The following ZMAT4 variants were observed in gnomAD, a reference collection of about 807,000 sequenced individuals.
ZMAT4 encodes zinc finger matrin-type 4.
ZMAT4 carries 17 observed loss-of-function variants against 28.7 expected under a neutral mutation model. The ratio of observed to expected loss-of-function variants is 0.59; its 90% confidence interval spans 0.41 to 0.89. ZMAT4 has a LOEUF of 0.89. Ranked by LOEUF, ZMAT4 falls within the 40% of genes least tolerant of loss-of-function variation. The probability of loss-of-function intolerance (pLI) is 0.00; values close to 1 mark genes in which losing one functional copy is unlikely to be tolerated. For synonymous variants in ZMAT4, 117 were observed against 109.2 expected, an observed-to-expected ratio of 1.07 and a Z score of -0.44; for missense variants, 240 against 283.8, an observed-to-expected ratio of 0.85 and a Z score of 1.11.
intron 1 of ZMAT4, among the ~76,000 whole-genome samples, chr8:40,845,007 A>C (rs1333004227): frequency 1.3e-5 from 2 of 152,292 alleles, no homozygotes; most frequent in South Asian, 4.1e-4. Context: ...AACTGCACAT[A>C]CTCATGCACC....
At chr8:40,554,983 A>G (rs1368987816) in intron 6 of ZMAT4, among the ~76,000 whole-genome samples, 2 of 152,056 alleles carry the variant, frequency 1.3e-5, no homozygotes, top group African/African-American at 4.8e-5. Context: ...ACACCCACAC[A>G]TCCTTCCCAG....
At chr8:40,584,899 G>A (rs1192303618) in intron 5 of ZMAT4, among the ~76,000 whole-genome samples, 1 of 152,204 alleles carries the variant, frequency 6.6e-6, no homozygotes, top group Non-Finnish European at 1.5e-5. Flanking sequence ...CTCCCAAAGT[G>A]CTGGGATTAC....
At chr8:40,840,308 C>T (rs564255366) in intron 1 of ZMAT4, among the ~76,000 whole-genome samples, 40 of 152,292 alleles carry the variant, frequency 2.6e-4, no homozygotes, top group African/African-American at 8.7e-4. Flanking sequence ...CAACATGGAC[C>T]AACCCTGATG....
At chr8:40,703,544 G>C (rs189400049) in intron 3 of ZMAT4, among the ~76,000 whole-genome samples, 2 of 152,174 alleles carry the variant, frequency 1.3e-5, no homozygotes, top group African/African-American at 4.8e-5. Flanking sequence ...TAAATACAGA[G>C]AGTGAATTAG....
intron 5 of ZMAT4, among the ~76,000 whole-genome samples, chr8:40,595,252 G>A (rs1441282155): frequency 6.6e-6 from 1 of 152,126 alleles, no homozygotes; most frequent in East Asian, 1.9e-4. Context: ...GGGGAGAGTA[G>A]CAATACCTTT....
chr8:40,585,819 A>C (rs938437151), intron 5 of ZMAT4, among the ~76,000 whole-genome samples: 3 of 152,150 alleles, frequency 2.0e-5, no homozygotes, highest in African/African-American at 7.2e-5. Context: ...GTTCTCCATT[A>C]ATCTTGTCAT....
At chr8:40,585,976 CAT>C (rs763685407) in intron 5 of ZMAT4, among the ~76,000 whole-genome samples, 9 of 152,288 alleles carry the variant, frequency 5.9e-5, no homozygotes, top group Non-Finnish European at 1.0e-4. Flanking sequence ...AAATCTAAAA[CAT>C]ATTCTGATCT....
chr8:40,883,712 C>G (rs1295247393), intron 1 of ZMAT4, among the ~76,000 whole-genome samples: 1 of 152,158 alleles, frequency 6.6e-6, no homozygotes, highest in African/African-American at 2.4e-5. Context: ...CCCTGATCTC[C>G]CCTAACTCCC....
chr8:40,559,094 T>A (rs74625477), intron 6 of ZMAT4, among the ~76,000 whole-genome samples: 1 of 152,164 alleles, frequency 6.6e-6, no homozygotes, highest in Admixed American at 6.5e-5. Context: ...ACAAGCAGTG[T>A]TGAAACAATT....
rs531235953 is a variant in ZMAT4, at chr8:40,809,433, G to T, written c.102+16142C>A. ...CCACAGTATCATGCAATATACTCAT[G>T]TAACAAACCTGTACATGTATCCTCA... On this transcript the variant is annotated intron_variant, in intron 2 of 6. Coordinates refer to ENST00000297737, the MANE Select transcript of ZMAT4 (RefSeq NM_024645.3). Among the ~76,000 whole-genome samples, 12 of 152,126 alleles carry T rather than the reference G, an allele frequency of 7.9e-5. 1 individual carries two copies. Among genetic ancestry groups the T allele is most frequent in the Admixed American group, 4.6e-4 (7 of 15,266 alleles).
chr8:40,556,648 C>T (rs1333054577), intron 6 of ZMAT4, among the ~76,000 whole-genome samples: 1 of 152,166 alleles, frequency 6.6e-6, no homozygotes, highest in African/African-American at 2.4e-5. Context: ...CAACTTCCCA[C>T]CTGCTGAATT....
chr8:40,586,027 G>A (rs1481580386), intron 5 of ZMAT4, among the ~76,000 whole-genome samples: 7 of 152,282 alleles, frequency 4.6e-5, no homozygotes, highest in Non-Finnish European at 8.8e-5. Context: ...TGCAGCCAGA[G>A]GCGTGGGCAG....
intron 5 of ZMAT4, among the ~76,000 whole-genome samples, chr8:40,600,558 C>T (rs1805266255): frequency 6.6e-6 from 1 of 152,182 alleles, no homozygotes; most frequent in Non-Finnish European, 1.5e-5. Flanking sequence ...GTCCTAATCT[C>T]AAGAAGAGGA....
chr8:40,837,348 T>C (rs1287308463), intron 1 of ZMAT4, among the ~76,000 whole-genome samples: 1 of 152,224 alleles, frequency 6.6e-6, no homozygotes, highest in Non-Finnish European at 1.5e-5. Flanking sequence ...CCTGGATGAC[T>C]GTGTGGAGCA....
At chr8:40,756,426 T>TTATA (rs72008675) in intron 3 of ZMAT4, among the ~76,000 whole-genome samples, 2,989 of 73,174 alleles carry the variant, frequency 0.041, 215 homozygotes, top group Admixed American at 0.058. Flanking sequence ...AAATGTTCTT[T>TTATA]TATATATATA....
intron 2 of ZMAT4, among the ~76,000 whole-genome samples, chr8:40,789,913 C>T (rs1218545747): frequency 6.6e-6 from 1 of 152,154 alleles, no homozygotes; most frequent in East Asian, 1.9e-4. Context: ...TCATATTGCT[C>T]CCACTTCCAA....
intron 6 of ZMAT4, among the ~76,000 whole-genome samples, chr8:40,545,740 G>C (rs1423925823): frequency 6.6e-6 from 1 of 152,078 alleles, no homozygotes; most frequent in African/African-American, 2.4e-5. Context: ...CCTTGATCTT[G>C]AACTTCTAGC....
intron 2 of ZMAT4, among the ~76,000 whole-genome samples, chr8:40,814,237 A>G (rs1302329489): frequency 6.6e-6 from 1 of 152,250 alleles, no homozygotes; most frequent in East Asian, 1.9e-4. Flanking sequence ...AGCACCTCCA[A>G]GTATCAGAAG....
chr8:40,755,930 C>T (rs1483888764), intron 3 of ZMAT4, among the ~76,000 whole-genome samples: 1 of 152,190 alleles, frequency 6.6e-6, no homozygotes, highest in Non-Finnish European at 1.5e-5. Context: ...CACATAAATA[C>T]TAAATCGCAT....
Sources: allele counts gnomAD v4.1 joint callset (sites outside exome capture counted in the v4.1 genomes callset), GRCh38; gene constraint gnomAD v4.1.1; transcripts MANE v1.5; gene names NCBI Gene and HGNC (gene_info 2026-07-23, HGNC 2026-07-21).